The following OTUD7B variants were observed in gnomAD, a reference collection of about 807,000 sequenced individuals.
The protein encoded by OTUD7B is OTU deubiquitinase 7B.
Under a neutral mutation model 82.2 loss-of-function variants are expected in OTUD7B, and 34 were observed. The observed-to-expected ratio is 0.41, with a 90% CI of 0.31 to 0.55. The LOEUF is 0.55. OTUD7B is among the 20% of genes least tolerant of loss of function. OTUD7B has a pLI of 0.20. For missense variants in OTUD7B, 944 were observed against 1,062.1 expected, an observed-to-expected ratio of 0.89 and a Z score of 1.55; for synonymous variants, 398 against 402.7, an observed-to-expected ratio of 0.99 and a Z score of 0.14.
At chr1:150,010,040 T>A (rs1486808628) in intron 1 of OTUD7B, among the ~76,000 whole-genome samples, 4 of 152,134 alleles carry the variant, frequency 2.6e-5, no homozygotes, top group African/African-American at 9.7e-5. Context: ...ATAAGCTTAT[T>A]TGCTTTTCAT....
the OTUD7B span, among the ~76,000 whole-genome samples, chr1:150,039,650 C>G: frequency 6.6e-6 from 1 of 152,254 alleles, no homozygotes; most frequent in Admixed American, 6.5e-5. Flanking sequence ...GCTGGGATTA[C>G]AGGCATGAGC....
At chr1:150,007,501 T>C (rs1398258530) in intron 1 of OTUD7B, among the ~76,000 whole-genome samples, 1 of 152,220 alleles carries the variant, frequency 6.6e-6, no homozygotes, top group African/African-American at 2.4e-5. Context: ...GTTTCCTAAA[T>C]GTTAAAGCTC....
chr1:150,037,746 T>C, the OTUD7B span, among the ~76,000 whole-genome samples: 3 of 151,972 alleles, frequency 2.0e-5, no homozygotes, highest in Non-Finnish European at 2.9e-5. Flanking sequence ...CATGCCACCA[T>C]GCCCAACTAA....
chr1:150,014,256 C>T (rs782806487), upstream of OTUD7B, among the ~76,000 whole-genome samples: 3 of 147,218 alleles, frequency 2.0e-5, no homozygotes, highest in African/African-American at 7.6e-5. Flanking sequence ...AAAAATTAGT[C>T]AGGCATGGTG....
chr1:150,007,266 C>G (rs909108733), intron 1 of OTUD7B, among the ~76,000 whole-genome samples: 2 of 152,170 alleles, frequency 1.3e-5, no homozygotes, highest in Non-Finnish European at 2.9e-5. Flanking sequence ...GTTAACTTGT[C>G]CAAGGTCACA....
At chr1:149,961,620 TG>T (rs1553775642) in intron 6 of OTUD7B, 4 of 152,308 alleles carry the variant, frequency 2.6e-5, no homozygotes, top group Non-Finnish European at 5.9e-5. Flanking sequence ...TCCAAAGTGC[TG>T]GGATTACAGG....
At chr1:150,012,623 A>T (rs984116769), upstream of OTUD7B, among the ~76,000 whole-genome samples, 1 of 152,086 alleles carries the variant, frequency 6.6e-6, no homozygotes, top group Non-Finnish European at 1.5e-5. Flanking sequence ...CCCTCAATAT[A>T]AGACTTTTTC....
chr1:149,966,811 T>C (rs1452640215), intron 4 of OTUD7B, among the ~76,000 whole-genome samples: 1 of 152,228 alleles, frequency 6.6e-6, no homozygotes, highest in Admixed American at 6.5e-5. Context: ...ACTCCAGTTC[T>C]TATCCCACAC....
chr1:150,061,588 A>T, the OTUD7B span, among the ~76,000 whole-genome samples: 1 of 152,148 alleles, frequency 6.6e-6, no homozygotes, highest in African/African-American at 2.4e-5. Flanking sequence ...CGCACATAGG[A>T]AATCTTGGAA....
intron 1 of OTUD7B, among the ~76,000 whole-genome samples, chr1:149,999,588 G>T (rs587698438): frequency 1.8e-4 from 27 of 152,272 alleles, no homozygotes; most frequent in African/African-American, 2.9e-4. Flanking sequence ...TTGGAGCTAG[G>T]CATGGTGGCA....
rs1458504169 is a variant in OTUD7B, at chr1:149,950,977, A to ATTT, written c.846-759_846-757dup. On this transcript the variant is annotated intron_variant, in intron 7 of 11. Transcript: ENST00000581312. Reference sequence around the variant, plus strand: ...CGGTCTAATTTTTTGTACTTTTTGTATTTTTTTTTTTTTTTTTTTTTTGTA... The same window carrying ATTT: ...CGGTCTAATTTTTTGTACTTTTTGTATTTTTTTTTTTTTTTTTTTTTTTTTGTA... 1.8e-4 allele frequency among the ~76,000 whole-genome samples: 4 copies of ATTT among 22,412 alleles called. 1 individual carries two copies. Among genetic ancestry groups the ATTT allele is most frequent in the African/African-American group, 8.5e-4 (4 of 4,692 alleles). The allele number at this position is 22,412 out of a possible 152,430, so 14.7% of individuals were successfully genotyped here.
At chr1:149,959,643 C>A (rs1553775240) in intron 7 of OTUD7B, 41 bp downstream of exon 7, 1 of 1,224,066 alleles carries the variant, frequency 8.2e-7, no homozygotes, top group African/African-American at 1.5e-5. Flanking sequence ...CCAGTGAGGA[C>A]TCTATGCAGG....
chr1:149,964,480 C>G, intron 5 of OTUD7B, 131 bp from the exon 6 acceptor site: 1 of 741,478 alleles, frequency 1.3e-6, no homozygotes, highest in Non-Finnish European at 2.2e-6. Context: ...GACCCCCCTG[C>G]CTTACCCTCC....
chr1:149,967,144 T>C, intron 4 of OTUD7B, 150 bp downstream of exon 4: 1 of 542,536 alleles, frequency 1.8e-6, no homozygotes. Context: ...ATCCATTCTT[T>C]GACAGCACAA....
At chr1:149,951,006 G>T (rs1648203686) in intron 7 of OTUD7B, among the ~76,000 whole-genome samples, 1 of 20,668 alleles carries the variant, frequency 4.8e-5, no homozygotes, top group African/African-American at 1.6e-4. Context: ...TTTTGTAGAT[G>T]GAGTCTCACT....
intron 1 of OTUD7B, among the ~76,000 whole-genome samples, chr1:149,996,505 G>A (rs1222104610): frequency 6.6e-6 from 1 of 152,176 alleles, no homozygotes; most frequent in African/African-American, 2.4e-5. Context: ...ATCCGTTAGA[G>A]CTATATCTAA....
chr1:149,948,819 C>G (rs1209051497), intron 10 of OTUD7B, 150 bp downstream of exon 10: 3 of 593,584 alleles, frequency 5.1e-6, no homozygotes, highest in Non-Finnish European at 3.1e-6. Flanking sequence ...AGTCCTGGTG[C>G]CCAACCTCTC....
At chr1:150,051,241 A>AAG in the OTUD7B span, among the ~76,000 whole-genome samples, 91 of 151,216 alleles carry the variant, frequency 6.0e-4, no homozygotes, top group Middle Eastern at 3.4e-3. Flanking sequence ...AAAAAAAAAA[A>AAG]AAAAAAAACC....
intron 3 of OTUD7B, among the ~76,000 whole-genome samples, chr1:149,970,298 T>TC (rs1201740845): frequency 0.062 from 2 of 32 alleles, no homozygotes; most frequent in Non-Finnish European, 0.11. Context: ...TATGTATTTC[T>TC]TTTTTTAATT....
Sources: gnomAD v4.1 joint callset for allele counts (sites outside exome capture counted in the v4.1 genomes callset) on GRCh38, gnomAD v4.1.1 for gene constraint, MANE v1.5 for transcripts, NCBI Gene and HGNC (gene_info 2026-07-23, HGNC 2026-07-21) for gene names.